The following PRKCI variants were observed in gnomAD, a reference collection of about 807,000 sequenced individuals.
The protein encoded by PRKCI is protein kinase C iota type.
In PRKCI, 43 loss-of-function variants were observed where a neutral mutation model predicts 84.0. The ratio of observed to expected loss-of-function variants is 0.51; its 90% CI spans 0.40 to 0.66. The LOEUF (loss-of-function observed/expected upper bound fraction) is 0.66, where lower values mean the gene tolerates loss of function less well. PRKCI is among the 30% of genes least tolerant of loss of function. PRKCI has a pLI of 0.00. For missense variants in PRKCI, 459 were observed against 745.6 expected, an observed-to-expected ratio of 0.62 and a Z score of 4.48; for synonymous variants, 216 against 234.4, an observed-to-expected ratio of 0.92 and a Z score of 0.72.
chr3:170,240,716 C>T (rs1733108952), intron 2 of PRKCI, among the ~76,000 whole-genome samples: 1 of 152,208 alleles, frequency 6.6e-6, no homozygotes, highest in Non-Finnish European at 1.5e-5. Context: ...CTTGATTTCT[C>T]TGGCATATGA....
chr3:170,223,653 A>C (rs2108831721), intron 1 of PRKCI, among the ~76,000 whole-genome samples: 1 of 152,286 alleles, frequency 6.6e-6, no homozygotes, highest in East Asian at 1.9e-4. Flanking sequence ...TAGGAGCATT[A>C]GAAACGTGAA....
intron 8 of PRKCI, among the ~76,000 whole-genome samples, chr3:170,279,411 GTTTC>G (rs1296887597): frequency 2.6e-5 from 4 of 152,032 alleles, no homozygotes; most frequent in Non-Finnish European, 5.9e-5. Context: ...GTGCTTGCGG[GTTTC>G]TTTATCTTTC....
intron 4 of PRKCI, among the ~76,000 whole-genome samples, chr3:170,267,127 G>A (rs9883007): frequency 6.6e-6 from 1 of 152,024 alleles, no homozygotes; most frequent in Non-Finnish European, 1.5e-5. Flanking sequence ...TGGCGGGGGG[G>A]TGCGGAATAT....
intron 2 of PRKCI, among the ~76,000 whole-genome samples, chr3:170,245,616 C>T (rs1733256451): frequency 6.6e-6 from 1 of 152,134 alleles, no homozygotes; most frequent in African/African-American, 2.4e-5. Flanking sequence ...CCTCATAGAC[C>T]ACTGTTCACA....
chr3:170,258,537 C>T (rs560881290), intron 2 of PRKCI, among the ~76,000 whole-genome samples: 1 of 152,152 alleles, frequency 6.6e-6, no homozygotes, highest in South Asian at 2.1e-4. Context: ...AACTCCTGAC[C>T]TCAACCCGCC....
intron 7 of PRKCI, among the ~76,000 whole-genome samples, chr3:170,274,215 T>A (rs1325525614): frequency 6.6e-6 from 1 of 152,148 alleles, no homozygotes; most frequent in Non-Finnish European, 1.5e-5. Flanking sequence ...CACTGCATCC[T>A]CCACCTCCCA....
At chr3:170,250,435 C>CG (rs1231451937) in intron 2 of PRKCI, among the ~76,000 whole-genome samples, 2 of 86,098 alleles carry the variant, frequency 2.3e-5, no homozygotes, top group East Asian at 8.4e-4. Flanking sequence ...ATTACCAACC[C>CG]CCCCCCCCCA....
chr3:170,274,422 T>C (rs13324375), intron 7 of PRKCI, among the ~76,000 whole-genome samples: 12,330 of 152,206 alleles, frequency 0.081, 1,196 homozygotes, highest in African/African-American at 0.23. Flanking sequence ...GCATGAGCCA[T>C]GGCACCCAGC....
intron 12 of PRKCI, among the ~76,000 whole-genome samples, chr3:170,285,174 G>A (rs962515283): frequency 6.6e-6 from 1 of 151,616 alleles, no homozygotes; most frequent in East Asian, 1.9e-4. Context: ...CCGCCTCCCG[G>A]GTTGACGCCA....
intron 3 of PRKCI, 71 bp downstream of exon 3, chr3:170,260,129 T>C (rs532282435): frequency 4.1e-6 from 4 of 984,742 alleles, no homozygotes; most frequent in Non-Finnish European, 6.1e-6. Flanking sequence ...TTCTTCACCA[T>C]TTTGAAACAT....
Position 170,288,114 on chromosome 3 carries a change from C to T in PRKCI, c.1203+3518C>T, listed in dbSNP as rs576347451. 7.9e-5 allele frequency among the ~76,000 whole-genome samples: 12 copies of T among 151,294 alleles called. No homozygotes were observed. In the South Asian group the frequency reaches 1.9e-3, roughly 24 times the overall value. On this transcript the variant is annotated intron_variant, in intron 12 of 17. Coordinates refer to ENST00000295797, the MANE Select transcript of PRKCI (RefSeq NM_002740.6). ...CAAAAAAATTAGCCAGGCGTGGTGG[C>T]GGACGCCTGTAGTCCCAGCTACTCG...
chr3:170,222,622 GC>G lies in PRKCI; in HGVS notation c.-41del, dbSNP rs762502986. 1.9e-5 allele frequency: 28 copies of G among 1,482,218 alleles called. No individual in the cohort carries two copies. Among genetic ancestry groups the G allele is most frequent in the Middle Eastern group, 2.4e-4 (1 of 4,168 alleles). 91.8% of individuals were successfully genotyped at this position (1,482,218 alleles called of 1,614,324 possible). A position where few individuals can be genotyped will look rare whatever the true frequency, so the allele number is the denominator to read the frequency against. On this transcript the variant is annotated 5_prime_UTR_variant, in exon 1 of 18. Coordinates refer to ENST00000295797, the MANE Select transcript of PRKCI (RefSeq NM_002740.6). ...CGGAGTCCCCCACGGCGCCCGAAGC[GC>G]CCCCCCGCACCCCCGGCCTCCAGCG... is the stretch of plus-strand genomic sequence containing the variant.
At chr3:170,287,092 T>G (rs1445259845) in intron 12 of PRKCI, among the ~76,000 whole-genome samples, 2 of 152,106 alleles carry the variant, frequency 1.3e-5, no homozygotes, top group Non-Finnish European at 2.9e-5. Flanking sequence ...CCCAGCAATT[T>G]GGGAGGCCGA....
chr3:170,252,200 C>T (rs1405926031), intron 2 of PRKCI, among the ~76,000 whole-genome samples: 13 of 146,134 alleles, frequency 8.9e-5, no homozygotes, highest in Non-Finnish European at 1.3e-4. Flanking sequence ...GGTGACAGAG[C>T]GAGACTCCGT....
At chr3:170,266,608 TG>T (rs1733861031) in intron 4 of PRKCI, among the ~76,000 whole-genome samples, 1 of 149,362 alleles carries the variant, frequency 6.7e-6, no homozygotes, top group Admixed American at 6.7e-5. Flanking sequence ...GCAGAGTGAA[TG>T]TTTTAAAATG....
rs201466904 is a variant in PRKCI, at chr3:170,288,882, G to A, written c.1204-2972G>A. ...TTACCTGAAGCTTGACTTCATGCAA[G>A]TGTTGGATGAATTTCTTTATAAAGA... On this transcript the variant is annotated intron_variant, in intron 12 of 17. Coordinates refer to ENST00000295797, the MANE Select transcript of PRKCI (RefSeq NM_002740.6). 2.6e-5 allele frequency among the ~76,000 whole-genome samples: 4 copies of A among 152,350 alleles called. No individual in the cohort carries two copies. The East Asian group carries it at 7.7e-4, about 29-fold the overall frequency.
intron 2 of PRKCI, among the ~76,000 whole-genome samples, chr3:170,254,082 G>A (rs188749602): frequency 1.6e-4 from 23 of 147,074 alleles, no homozygotes; most frequent in African/African-American, 5.9e-4. Flanking sequence ...GGGTGACAGA[G>A]CAAGATCCGT....
At chr3:170,223,762 T>TA (rs1218754051) in intron 1 of PRKCI, among the ~76,000 whole-genome samples, 2 of 152,120 alleles carry the variant, frequency 1.3e-5, no homozygotes, top group African/African-American at 4.8e-5. Flanking sequence ...TAAATTGCTT[T>TA]AAAAAACTCA....
intron 1 of PRKCI, among the ~76,000 whole-genome samples, chr3:170,226,582 C>T (rs1462810634): frequency 6.6e-6 from 1 of 152,152 alleles, no homozygotes; most frequent in African/African-American, 2.4e-5. Flanking sequence ...GTAGTAATAA[C>T]AATACAGAGG....
Sources: allele counts gnomAD v4.1 joint callset (sites outside exome capture counted in the v4.1 genomes callset), GRCh38; gene constraint gnomAD v4.1.1; transcripts MANE v1.5; gene names NCBI Gene and HGNC (gene_info 2026-07-23, HGNC 2026-07-21).